Variants in MPHOSPH10 observed in about 807,000 individuals in gnomAD.
MPHOSPH10 encodes the protein U3 small nucleolar ribonucleoprotein MPP10.
In MPHOSPH10, 33 loss-of-function variants were observed where a neutral mutation model predicts 77.3. That is an observed-to-expected ratio of 0.43 (90% confidence interval 0.32 to 0.57). The LOEUF (loss-of-function observed/expected upper bound fraction) is 0.57, where lower values mean the gene tolerates loss of function less well. Among genes scored for constraint, MPHOSPH10 ranks in the 20% least tolerant of loss-of-function variants. The probability of loss-of-function intolerance (pLI) is 0.07; values close to 1 mark genes in which losing one functional copy is unlikely to be tolerated. For synonymous variants in MPHOSPH10, 245 were observed against 268.0 expected, an observed-to-expected ratio of 0.91 and a Z score of 0.84; for missense variants, 708 against 780.1, an observed-to-expected ratio of 0.91 and a Z score of 1.10.
At chr2:71,134,243 G>A in intron 3 of MPHOSPH10, 138 bp downstream of exon 3, 1 of 846,956 alleles carries the variant, frequency 1.2e-6, no homozygotes, top group Non-Finnish European at 1.7e-6. Context: ...CCAGAGGAAA[G>A]TCTCTGACTG....
chr2:71,134,682 T>C lies in MPHOSPH10; in HGVS notation c.983T>C (p.Leu328Ser). 1 of 1,612,018 alleles carries C rather than the reference T, an allele frequency of 6.2e-7. No homozygotes were observed. ...GACAATAAACAACATAAAGAAAGCT[T>C]GAAAAGAGTGACCTTTGCTTTACCA... is the stretch of plus-strand genomic sequence containing the variant. ...NEDNKQHKES[L>S]KRVTFALPDD... Residue 328 changes from leucine (L) to serine (S), a missense_variant, in exon 4 of 11, where the codon TTG (leucine) becomes TCG (serine). By Grantham distance (145) the Leu-to-Ser change is moderately radical (BLOSUM62 -2). Coordinates refer to ENST00000244230, the MANE Select transcript of MPHOSPH10 (RefSeq NM_005791.3).
Position 71,133,484 on chromosome 2 carries a change from GATA to G in MPHOSPH10, c.679_681del (p.Asn227del), listed in dbSNP as rs556728306. 2.1e-3 allele frequency: 3,450 copies of G among 1,613,754 alleles called. 3 individuals carry two copies. Among genetic ancestry groups the G allele is most frequent in the Non-Finnish European group, 2.7e-3 (3,154 of 1,179,760 alleles). On this transcript the variant is annotated inframe_deletion, in exon 2 of 11. Transcript: ENST00000244230. ...AGAAAAAGAAGAGGAACGAAAAGAT[GATA>G]ATGATGAGGAGGAGGAAGATATTGA...
At chr2:71,138,750 C>A in intron 5 of MPHOSPH10, 119 bp downstream of exon 5, 21 of 1,345,610 alleles carry the variant, frequency 1.6e-5, no homozygotes, top group Non-Finnish European at 2.2e-5. Flanking sequence ...CTTGTAAACA[C>A]ATGGCTTGGC....
chr2:71,148,929 C>T, intron 9 of MPHOSPH10: 1 of 381,330 alleles, frequency 2.6e-6, no homozygotes, highest in Non-Finnish European at 4.7e-6. Flanking sequence ...GGAGGGCTGG[C>T]TCCTCTTGTG....
Position 71,133,244 on chromosome 2 carries a change from C to G in MPHOSPH10, c.436C>G (p.Pro146Ala). The change falls in exon 2 of 11, where the codon CCT becomes GCT. Residue 146 changes from proline to alanine, a missense_variant. Around this residue, in one of 3 missense-constraint regions of MPHOSPH10, gnomAD observed 433 missense variants for 432.6 expected, o/e 1.00. Transcript: ENST00000244230. ...EEVSDMGNDD[P>A]EMGERAENSS... ...AGTGTCCGACATGGGTAATGATGAT[C>G]CTGAAATGGGTGAGAGAGCTGAAAA... is the stretch of plus-strand genomic sequence containing the variant. The G allele has an allele frequency of 6.2e-7, 1 of 1,613,982 alleles. No individual in the cohort carries two copies. The highest frequency in any genetic ancestry group is 1.3e-5 in the African/African-American group (1 of 74,970).
chr2:71,139,186 CT>C, intron 5 of MPHOSPH10: 1 of 162,766 alleles, frequency 6.1e-6, no homozygotes, highest in Non-Finnish European at 1.3e-5. Context: ...TATATGTGCC[CT>C]TTTTTTAAGT....
intron 7 of MPHOSPH10, among the ~76,000 whole-genome samples, chr2:71,143,264 C>T (rs1673644395): frequency 6.6e-6 from 1 of 151,752 alleles, no homozygotes; most frequent in Non-Finnish European, 1.5e-5. Flanking sequence ...GCCTCAGCCT[C>T]CTGAGTAACA....
At chr2:71,131,536 C>T (rs1473044628) in intron 1 of MPHOSPH10, among the ~76,000 whole-genome samples, 1 of 152,198 alleles carries the variant, frequency 6.6e-6, no homozygotes, top group African/African-American at 2.4e-5. Flanking sequence ...ACCACTAAAA[C>T]AGGCTTTGTG....
intron 1 of MPHOSPH10, among the ~76,000 whole-genome samples, chr2:71,131,099 T>C (rs1203568038): frequency 1.3e-5 from 2 of 152,186 alleles, no homozygotes; most frequent in South Asian, 2.1e-4. Flanking sequence ...TAGCATACTT[T>C]ATTGAAAGTA....
At position 71,130,717 on chromosome 2, in the gene MPHOSPH10, G is replaced by A; in HGVS notation, c.52G>A (p.Val18Ile). 2 of 1,611,060 alleles carry A rather than the reference G, an allele frequency of 1.2e-6. No individual in the cohort carries two copies. The highest frequency in any genetic ancestry group is 1.7e-6 in the Non-Finnish European group (2 of 1,179,360). Residue 18 changes from valine (V) to isoleucine (I), a missense_variant, in exon 1 of 11, where the codon GTC (valine) becomes ATC (isoleucine). Val to Ile is a conservative substitution (Grantham distance 29, BLOSUM62 3). Coordinates refer to ENST00000244230, the MANE Select transcript of MPHOSPH10 (RefSeq NM_005791.3). The stretch of plus-strand genomic sequence containing the variant: ...GACCCTGGAGCGGTGTCTGACGGAA[G>A]TCGGCAAAGCCACGGGTCGGCCCGA... ...RRTLERCLTE[V>I]GKATGRPECF...
chr2:71,136,452 C>T (rs975286966), intron 4 of MPHOSPH10, among the ~76,000 whole-genome samples: 2 of 151,794 alleles, frequency 1.3e-5, no homozygotes, highest in Non-Finnish European at 2.9e-5. Context: ...GAGTTCAAGG[C>T]TGCAGTGAGC....
intron 7 of MPHOSPH10, among the ~76,000 whole-genome samples, chr2:71,142,723 G>A (rs1673634565): frequency 6.6e-6 from 1 of 152,186 alleles, no homozygotes; most frequent in Admixed American, 6.5e-5. Flanking sequence ...TAAAGTGTGA[G>A]GTACGTTAAA....
chr2:71,134,642 C>T lies in MPHOSPH10; in HGVS notation c.943C>T (p.Leu315Phe), dbSNP rs760740373. ...GTATTGTAGGGATGAAGATGATGAC[C>T]TTCAAGAAAATGAAGACAATAAACA... The part of the protein sequence containing the change: ...SISETDEDDD[L>F]QENEDNKQHK... Residue 315 changes from leucine (L) to phenylalanine (F), a missense_variant, in exon 4 of 11, where the codon CTT (leucine) becomes TTT (phenylalanine). Leu to Phe is a conservative substitution (Grantham distance 22). Around this residue, in one of 3 missense-constraint regions of MPHOSPH10, gnomAD observed 433 missense variants for 432.6 expected, o/e 1.00. Coordinates refer to ENST00000244230, the MANE Select transcript of MPHOSPH10 (RefSeq NM_005791.3). 6.2e-7 allele frequency: 1 copy of T among 1,602,610 alleles called. No individual in the cohort carries two copies. Among genetic ancestry groups the T allele is most frequent in the South Asian group, 1.1e-5 (1 of 87,926 alleles).
At chr2:71,142,986 T>C (rs1001278186) in intron 7 of MPHOSPH10, among the ~76,000 whole-genome samples, 1 of 152,176 alleles carries the variant, frequency 6.6e-6, no homozygotes, top group Non-Finnish European at 1.5e-5. Context: ...CTTTTTCTCT[T>C]CAGTAGAATT....
At position 71,150,095 on chromosome 2, in the gene MPHOSPH10, A is replaced by G; in HGVS notation, c.*80A>G. ...TCTGTTTTATAATAAAATTCTTGAG[A>G]ACCTTCCTTTGCATCGATGACAGAT... On this transcript the variant is annotated 3_prime_UTR_variant, in exon 11 of 11. Transcript: ENST00000244230. 5.8e-6 allele frequency: 5 copies of G among 864,368 alleles called. No individual in the cohort carries two copies. In the South Asian group the frequency reaches 1.0e-4, roughly 18 times the overall value. 53.5% of individuals were successfully genotyped at this position (864,368 alleles called of 1,614,324 possible).
intron 1 of MPHOSPH10, 56 bp downstream of exon 1, chr2:71,130,810 T>G: frequency 6.6e-7 from 1 of 1,517,422 alleles, no homozygotes; most frequent in East Asian, 2.4e-5. Context: ...TGGACGCGGG[T>G]TGCAGGCCTC....
rs1439582998 is a variant in MPHOSPH10 at position 71,132,888 on chromosome 2, C to T, written c.90-10C>T. On this transcript the variant is annotated splice_polypyrimidine_tract_variant and intron_variant, in intron 1 of 10. Coordinates refer to ENST00000244230, the MANE Select transcript of MPHOSPH10 (RefSeq NM_005791.3). ...TGTAATTCTAAATCTCACTTAATTC[C>T]TCCCAATAGGATTCAAGAGGGATTG... is the stretch of plus-strand genomic sequence containing the variant. 1 of 1,578,698 alleles carries T rather than the reference C, an allele frequency of 6.3e-7. No individual in the cohort carries two copies. The highest frequency in any genetic ancestry group is 8.6e-7 in the Non-Finnish European group (1 of 1,160,122).
At chr2:71,133,773 G>C (rs1394002017) in intron 2 of MPHOSPH10, among the ~76,000 whole-genome samples, 175 bp from the exon 3 acceptor site, 1 of 152,006 alleles carries the variant, frequency 6.6e-6, no homozygotes, top group African/African-American at 2.4e-5. Context: ...AGTGTTATTA[G>C]TTGCCATTTT....
chr2:71,133,177 G>T lies in MPHOSPH10; in HGVS notation c.369G>T (p.Glu123Asp). The change falls in exon 2 of 11, where the codon GAG becomes GAT. Residue 123 changes from glutamate (E) to aspartate (D), a missense_variant. Physicochemically the swap from Glu to Asp is conservative, Grantham distance 45. Transcript: ENST00000244230. ...QEREEDGSEIEADDKEDLEDL... is the reference protein window; with the variant it reads ...QEREEDGSEIDADDKEDLEDL... ...GTGAAGAGGATGGTTCAGAGATAGA[G>T]GCTGATGACAAGGAGGACCTAGAAG... The T allele has an allele frequency of 1.2e-6, 2 of 1,614,148 alleles. No homozygotes were observed. Among genetic ancestry groups the T allele is most frequent in the Non-Finnish European group, 1.7e-6 (2 of 1,180,016 alleles).
Sources: gnomAD v4.1 joint callset for allele counts (sites outside exome capture counted in the v4.1 genomes callset) on GRCh38, gnomAD v4.1.1 for gene constraint, gnomAD v4.1.1 regional missense constraint, MANE v1.5 for transcripts, NCBI Gene and HGNC (gene_info 2026-07-23, HGNC 2026-07-21) for gene names.